STAG2: variants seen among roughly 807,000 people sequenced by gnomAD.
STAG2 encodes the protein STAG2 cohesin complex component, also known as cohesin subunit SA-2.
Under a neutral mutation model 108.1 loss-of-function variants are expected in STAG2, and 14 were observed. The observed-to-expected ratio is 0.13, with a 90% CI of 0.09 to 0.20. The LOEUF (loss-of-function observed/expected upper bound fraction) is 0.20, where lower values mean the gene tolerates loss of function less well. Among genes scored for constraint, STAG2 ranks in the 10% least tolerant of loss-of-function variants. The probability of loss-of-function intolerance (pLI) is 1.00; values close to 1 mark genes in which losing one functional copy is unlikely to be tolerated. For synonymous variants in STAG2, 307 were observed against 302.7 expected (o/e 1.01, Z -0.15); for missense variants, 440 against 940.9 (o/e 0.47, Z 6.96).
At chrX:123,970,306 AT>A (rs1167823773) in intron 1 of STAG2, among the ~76,000 whole-genome samples, 4 of 110,230 alleles carry the variant, frequency 3.6e-5, no homozygotes, top group Non-Finnish European at 7.6e-5. Context: ...ATTGTATATT[AT>A]AAATTAGTTT....
intron 5 of STAG2, among the ~76,000 whole-genome samples, chrX:124,034,545 A>G (rs2057446132): frequency 9.0e-6 from 1 of 111,622 alleles, no homozygotes; most frequent in Non-Finnish European, 1.9e-5. Context: ...TCCTTATGCC[A>G]TGTTTTCTGT....
rs1602909076 is a variant in STAG2, at chrX:124,025,871, G to A, written c.76G>A (p.Asp26Asn). The A allele has an allele frequency of 8.4e-7, 1 of 1,187,974 alleles. No homozygotes were observed. Among genetic ancestry groups the A allele is most frequent in the Non-Finnish European group, 1.1e-6 (1 of 882,634 alleles). Residue 26 changes from aspartate to asparagine, a missense_variant, in exon 4 of 35, where the codon GAT becomes AAT. By Grantham distance (23) the Asp-to-Asn change is conservative (BLOSUM62 1). Around this residue, in one of 3 missense-constraint regions of STAG2, gnomAD observed 34 missense variants for 36.7 expected, o/e 0.93. Transcript: ENST00000371145. Reference protein sequence around the residue: ...ESETHFSSDTDFEDIEGKNQK... With the variant: ...ESETHFSSDTNFEDIEGKNQK... ...AGAAACACATTTTTCTTCTGACACA[G>A]ATTTTGAAGATATCGAAGGAAAAAA... is the stretch of plus-strand genomic sequence containing the variant.
chrX:123,993,836 A>AG (rs2055599013), intron 1 of STAG2, among the ~76,000 whole-genome samples: 1 of 111,425 alleles, frequency 9.0e-6, no homozygotes, highest in African/African-American at 3.3e-5. Context: ...ATTTTATATG[A>AG]TTTTTATGCA....
chrX:123,986,646 T>A (rs995899231), intron 1 of STAG2, among the ~76,000 whole-genome samples: 2 of 111,614 alleles, frequency 1.8e-5, no homozygotes, highest in African/African-American at 6.5e-5. Context: ...TGTATTATGT[T>A]GAGTGTCTGA....
intron 3 of STAG2, among the ~76,000 whole-genome samples, chrX:124,025,147 C>T (rs1343185894): frequency 1.8e-5 from 2 of 110,868 alleles, no homozygotes; most frequent in Non-Finnish European, 3.8e-5. Flanking sequence ...TTCGTTCTTT[C>T]CTGCGTATAT....
chrX:123,997,511 T>C (rs983085062), intron 1 of STAG2, among the ~76,000 whole-genome samples: 1 of 112,321 alleles, frequency 8.9e-6, no homozygotes, highest in Non-Finnish European at 1.9e-5. Flanking sequence ...TTCTACTTTG[T>C]CTCTTTGAAT....
chrX:124,006,662 A>G lies in STAG2; in HGVS notation c.-162-14705A>G, dbSNP rs759369539. ...CACTGTGTTCATCAGGATGGTCTTG[A>G]TCTCCTGACCTTGTGATCCGCCCAC... is the stretch of plus-strand genomic sequence containing the variant. On this transcript the variant is annotated intron_variant, in intron 1 of 34. Transcript: ENST00000371145. Among the ~76,000 whole-genome samples the G allele has an allele frequency of 4.5e-5, 5 of 110,163 alleles. No individual in the cohort carries two copies. In the South Asian group the frequency reaches 1.9e-3, roughly 43 times the overall value.
At chrX:124,085,007 A>C (rs1416865439) in intron 29 of STAG2, among the ~76,000 whole-genome samples, 2 of 112,140 alleles carry the variant, frequency 1.8e-5, no homozygotes, top group African/African-American at 6.5e-5. Context: ...TACATGCACA[A>C]GGAGACCGAT....
At chrX:124,015,778 C>T (rs934252948) in intron 1 of STAG2, among the ~76,000 whole-genome samples, 4 of 111,651 alleles carry the variant, frequency 3.6e-5, no homozygotes, top group Middle Eastern at 4.6e-3. Flanking sequence ...TTTTTTTGCC[C>T]GCATGTACAT....
chrX:124,007,923 G>T (rs1454319010), intron 1 of STAG2, among the ~76,000 whole-genome samples: 1 of 111,706 alleles, frequency 9.0e-6, no homozygotes, highest in Non-Finnish European at 1.9e-5. Context: ...AGGTTCACTA[G>T]TAACTAAGTT....
At chrX:123,994,597 T>G (rs373447967) in intron 1 of STAG2, among the ~76,000 whole-genome samples, 17 of 112,020 alleles carry the variant, frequency 1.5e-4, no homozygotes, top group African/African-American at 5.5e-4. Flanking sequence ...GAGTAAGATA[T>G]TTCAGGGGTT....
In STAG2 at chrX:124,036,815, A is replaced by C. The variant is rs982551826; in HGVS notation, c.289-712A>C. On this transcript the variant is annotated intron_variant, in intron 5 of 34. Transcript: ENST00000371145. ...ATATATTTACCATACTATAAAATTTACCCTTTAAAGTGCAAATTCAGAGTT... is the reference window on the plus strand; with the variant it reads ...ATATATTTACCATACTATAAAATTTCCCCTTTAAAGTGCAAATTCAGAGTT... Among the ~76,000 whole-genome samples, 16 of 111,761 alleles carry C rather than the reference A, an allele frequency of 1.4e-4. No homozygotes were observed. In the Admixed American group the frequency reaches 1.5e-3, roughly 11 times the overall value.
chrX:124,060,981 TAAA>T (rs200374624), intron 15 of STAG2, among the ~76,000 whole-genome samples: 3 of 108,536 alleles, frequency 2.8e-5, no homozygotes, highest in South Asian at 7.5e-4. Context: ...ATAAAAATAA[TAAA>T]AAATTTTTTT....
At chrX:124,065,573 C>T (rs762396291) in intron 20 of STAG2, among the ~76,000 whole-genome samples, 1 of 111,484 alleles carries the variant, frequency 9.0e-6, no homozygotes, top group Admixed American at 9.5e-5. Context: ...ATTTTATTGT[C>T]CTAGTGCATT....
At chrX:124,009,428 TA>T (rs1569501820) in intron 1 of STAG2, among the ~76,000 whole-genome samples, 24 of 85,786 alleles carry the variant, frequency 2.8e-4, no homozygotes, top group African/African-American at 8.6e-4. Flanking sequence ...GGTAGGTAGG[TA>T]GGTAGGTAGG....
At chrX:124,039,401 A>G (rs1450849750) in intron 6 of STAG2, among the ~76,000 whole-genome samples, 1 of 109,302 alleles carries the variant, frequency 9.1e-6, no homozygotes, top group Non-Finnish European at 1.9e-5. Context: ...CTCTTGCCTC[A>G]TCCTCCGAAG....
At chrX:124,037,444 G>T in intron 5 of STAG2, 83 bp from the exon 6 acceptor site, 1 of 515,773 alleles carries the variant, frequency 1.9e-6, no homozygotes, top group Non-Finnish European at 3.0e-6. Flanking sequence ...ATATAATCTT[G>T]AATTTTATGA....
chrX:124,082,817 A>C (rs1569520116), intron 28 of STAG2, among the ~76,000 whole-genome samples: 1 of 111,858 alleles, frequency 8.9e-6, no homozygotes, highest in East Asian at 2.8e-4. Context: ...TTATTTTCAG[A>C]AATAATATCT....
At position 124,017,558 on chromosome X, in the gene STAG2, T is replaced by A. The variant is rs1196786357; in HGVS notation, c.-162-3809T>A. Among the ~76,000 whole-genome samples, 7 of 111,409 alleles carry A rather than the reference T, an allele frequency of 6.3e-5. No homozygotes were observed. The Admixed American group carries it at 6.7e-4, about 11-fold the overall frequency. ...AGTAATTATTTTGGGGGGAAAAAAA[T>A]TAAATCATATCAAAGCAAGATATTA... On this transcript the variant is annotated intron_variant, in intron 1 of 34. Transcript: ENST00000371145.
Sources: gnomAD v4.1 joint callset for allele counts (sites outside exome capture counted in the v4.1 genomes callset) on GRCh38, gnomAD v4.1.1 for gene constraint, gnomAD v4.1.1 regional missense constraint, MANE v1.5 for transcripts, NCBI Gene and HGNC (gene_info 2026-07-23, HGNC 2026-07-21) for gene names.